Variants in ATG7 observed in about 807,000 individuals in gnomAD.
ATG7 encodes ubiquitin-like modifier-activating enzyme ATG7.
In ATG7, 70 loss-of-function variants were observed where a neutral mutation model predicts 82.4. The observed-to-expected ratio is 0.85, with a 90% CI of 0.70 to 1.04. ATG7 has a LOEUF of 1.04. Ranked by LOEUF, ATG7 falls within the 50% of genes least tolerant of loss-of-function variation. The pLI is 0.00. For synonymous variants in ATG7, 287 were observed against 313.0 expected (o/e 0.92, Z 0.88); for missense variants, 792 against 864.3 (o/e 0.92, Z 1.05).
chr3:11,568,640 A>G, the ATG7 span: 1 of 1,568,880 alleles, frequency 6.4e-7, no homozygotes, highest in South Asian at 1.2e-5. The surrounding 1 kb of genome is among the most constrained non-coding windows in gnomAD (Gnocchi z 5.9). Flanking sequence ...CGGAGCTTCA[A>G]GACAGACATT....
chr3:11,294,767 T>C (rs1219597917), intron 3 of ATG7, among the ~76,000 whole-genome samples: 6 of 152,122 alleles, frequency 3.9e-5, no homozygotes, highest in African/African-American at 1.4e-4. Context: ...TCTTATCGAA[T>C]CTTCTTTCCT....
chr3:11,561,951 G>C (rs542342559), downstream of ATG7, among the ~76,000 whole-genome samples: 1 of 147,548 alleles, frequency 6.8e-6, no homozygotes, highest in Non-Finnish European at 1.5e-5. Flanking sequence ...CCAGGCTGGA[G>C]TGCAGTGACG....
At chr3:11,381,317 A>G (rs1196551715) in intron 19 of ATG7, among the ~76,000 whole-genome samples, 1 of 152,008 alleles carries the variant, frequency 6.6e-6, no homozygotes, top group Non-Finnish European at 1.5e-5. Flanking sequence ...TTTTCTTTGA[A>G]TGGTTGAGCT....
intron 9 of ATG7, among the ~76,000 whole-genome samples, chr3:11,325,178 T>A (rs1575455880): frequency 6.6e-6 from 1 of 152,152 alleles, no homozygotes; most frequent in Non-Finnish European, 1.5e-5. Flanking sequence ...CTCTGTGATG[T>A]TGGTATGACG....
At chr3:11,390,159 C>T (rs771688657) in intron 19 of ATG7, among the ~76,000 whole-genome samples, 4 of 152,148 alleles carry the variant, frequency 2.6e-5, no homozygotes, top group Non-Finnish European at 5.9e-5. Context: ...TATTTTGTTG[C>T]CTGAGTAAAA....
At chr3:11,463,205 A>G (rs573023368) in intron 20 of ATG7, among the ~76,000 whole-genome samples, 31 of 152,044 alleles carry the variant, frequency 2.0e-4, no homozygotes, top group African/African-American at 6.7e-4. Context: ...ATTTCTATCC[A>G]TTGTCATACT....
At chr3:11,308,308 C>G (rs879488685) in intron 6 of ATG7, 1 of 152,290 alleles carries the variant, frequency 6.6e-6, no homozygotes, top group African/African-American at 2.4e-5. Flanking sequence ...CAGCTGCTGA[C>G]CAGCACCAGC....
At chr3:11,532,647 C>T (rs774603025) in intron 20 of ATG7, among the ~76,000 whole-genome samples, 2 of 152,074 alleles carry the variant, frequency 1.3e-5, no homozygotes, top group African/African-American at 2.4e-5. Flanking sequence ...TGCTTGAGTC[C>T]CCAAGGCCGA....
At chr3:11,559,262 C>G, downstream of ATG7, 1 of 1,463,850 alleles carries the variant, frequency 6.8e-7, no homozygotes, top group South Asian at 1.4e-5. Context: ...TTTCAGCCAA[C>G]AGCATGACAG....
At chr3:11,447,576 C>T (rs1424471235) in intron 20 of ATG7, among the ~76,000 whole-genome samples, 1 of 152,140 alleles carries the variant, frequency 6.6e-6, no homozygotes, top group East Asian at 1.9e-4. Flanking sequence ...TCTTAGTGTT[C>T]ATCAGCTCTG....
intron 20 of ATG7, among the ~76,000 whole-genome samples, chr3:11,453,283 A>AC (rs2085376275): frequency 6.6e-6 from 1 of 152,240 alleles, no homozygotes; most frequent in South Asian, 2.1e-4. Context: ...AGCTTTAGTA[A>AC]CTTTTTTTCC....
intron 19 of ATG7, among the ~76,000 whole-genome samples, chr3:11,399,776 G>C (rs2079648451): frequency 6.6e-6 from 1 of 152,162 alleles, no homozygotes; most frequent in Non-Finnish European, 1.5e-5. Flanking sequence ...GCTTCACCAT[G>C]TTGGTCAGGC....
At chr3:11,553,731 T>A (rs1202465996) in intron 20 of ATG7, among the ~76,000 whole-genome samples, 1 of 152,134 alleles carries the variant, frequency 6.6e-6, no homozygotes. Flanking sequence ...ACAGGGGCAG[T>A]GAGAAGGCTG....
intron 20 of ATG7, among the ~76,000 whole-genome samples, chr3:11,504,203 C>T (rs1219384741): frequency 1.3e-5 from 2 of 152,164 alleles, no homozygotes; most frequent in African/African-American, 2.4e-5. Flanking sequence ...TGTTTTTGGA[C>T]TTCTGAATAA....
chr3:11,421,996 A>G (rs901465040), intron 19 of ATG7, among the ~76,000 whole-genome samples: 5 of 152,242 alleles, frequency 3.3e-5, no homozygotes, highest in African/African-American at 1.2e-4. Context: ...GATATTCAGT[A>G]AACTGTGCCG....
intron 7 of ATG7, among the ~76,000 whole-genome samples, chr3:11,310,821 AGGGG>A (rs1298193080): frequency 6.6e-6 from 1 of 151,908 alleles, no homozygotes; most frequent in Non-Finnish European, 1.5e-5. Flanking sequence ...TTTAGTAGAG[AGGGG>A]GTTTCACCGT....
chr3:11,490,561 T>C (rs1228661981), intron 20 of ATG7, among the ~76,000 whole-genome samples: 1 of 152,250 alleles, frequency 6.6e-6, no homozygotes, highest in Non-Finnish European at 1.5e-5. Context: ...AGTTTCTTCC[T>C]AGCCTCCATG....
chr3:11,491,671 T>C (rs930256407), intron 20 of ATG7, among the ~76,000 whole-genome samples: 2 of 152,198 alleles, frequency 1.3e-5, no homozygotes, highest in African/African-American at 4.8e-5. Context: ...CCTTTCTGTT[T>C]GTTAGTTTTC....
In ATG7 at chr3:11,360,584, G is replaced by A; in HGVS notation, c.1483G>A (p.Val495Ile). Reference protein sequence around the residue: ...AVIAASKRKLVINAALGFDTF... With the variant: ...AVIAASKRKLIINAALGFDTF... ...TTTCATTCCTTGAAACCTGCAGCTG[G>A]TCATCAATGCTGCTTTGGGATTTGA... Residue 495 changes from valine to isoleucine, a missense_variant, in exon 16 of 21, where the codon GTC (valine) becomes ATC (isoleucine). By Grantham distance (29) the Val-to-Ile change is conservative. Transcript: ENST00000693202. The A allele has an allele frequency of 6.2e-7, 1 of 1,612,622 alleles. No homozygotes were observed. Among genetic ancestry groups the A allele is most frequent in the Non-Finnish European group, 8.5e-7 (1 of 1,179,278 alleles).
Sources: gnomAD v4.1 joint callset for allele counts (sites outside exome capture counted in the v4.1 genomes callset) on GRCh38, gnomAD v4.1.1 for gene constraint, Gnocchi (gnomAD v3.1) non-coding constraint, MANE v1.5 for transcripts, NCBI Gene and HGNC (gene_info 2026-07-23, HGNC 2026-07-21) for gene names.